Variants in FAM81A observed in about 807,000 individuals in gnomAD.
FAM81A encodes the protein family with sequence similarity 81 member A, also known as protein FAM81A.
FAM81A carries 19 observed loss-of-function variants against 46.7 expected under a neutral mutation model. The ratio of observed to expected loss-of-function variants is 0.41; its 90% CI spans 0.28 to 0.60. The LOEUF is 0.60. Ranked by LOEUF, FAM81A falls within the 20% of genes least tolerant of loss-of-function variation. The pLI is 0.34. For synonymous variants in FAM81A, 183 were observed against 152.9 expected (o/e 1.20, Z -1.45); for missense variants, 377 against 453.5 (o/e 0.83, Z 1.53).
intron 2 of FAM81A, among the ~76,000 whole-genome samples, chr15:59,431,802 T>G (rs1306240869): frequency 1.3e-5 from 2 of 152,126 alleles, no homozygotes; most frequent in African/African-American, 2.4e-5. Context: ...ATTTTATTAT[T>G]TATGTTTCCC....
At chr15:59,506,885 T>TA (rs1253837207) in intron 4 of FAM81A, among the ~76,000 whole-genome samples, 2 of 152,226 alleles carry the variant, frequency 1.3e-5, no homozygotes, top group Non-Finnish European at 2.9e-5. Flanking sequence ...GCAGGGGTGG[T>TA]ACTGAAGAGT....
At chr15:59,472,121 G>A (rs1567058571) in intron 3 of FAM81A, among the ~76,000 whole-genome samples, 1 of 152,074 alleles carries the variant, frequency 6.6e-6, no homozygotes, top group Non-Finnish European at 1.5e-5. Flanking sequence ...TTAGCTAAAG[G>A]GGGTTGGGGC....
chr15:59,406,339 C>A (rs1403619674), intron 2 of FAM81A, among the ~76,000 whole-genome samples: 1 of 152,224 alleles, frequency 6.6e-6, no homozygotes, highest in Non-Finnish European at 1.5e-5. Flanking sequence ...CACCCACTTA[C>A]AGATGAGGAG....
At chr15:59,479,519 G>GAAAAAAAA (rs57107735) in intron 3 of FAM81A, among the ~76,000 whole-genome samples, 35 of 72,656 alleles carry the variant, frequency 4.8e-4, no homozygotes, top group Non-Finnish European at 5.9e-4. Flanking sequence ...TCAAAAATAA[G>GAAAAAAAA]AAAAAAAAAA....
intron 4 of FAM81A, among the ~76,000 whole-genome samples, chr15:59,496,065 G>T (rs1175344751): frequency 6.6e-6 from 1 of 152,056 alleles, no homozygotes; most frequent in East Asian, 1.9e-4. Context: ...AGTGTTTGGG[G>T]TGTCATATTT....
chr15:59,494,551 A>G (rs1471464956), intron 4 of FAM81A, among the ~76,000 whole-genome samples: 1 of 128,848 alleles, frequency 7.8e-6, no homozygotes, highest in Non-Finnish European at 1.7e-5. Context: ...TCTCTACTCA[A>G]CTTGTTGCTT....
At position 59,442,384 on chromosome 15, in the gene FAM81A, G is replaced by A. The variant is rs563308586; in HGVS notation, c.-78+4102G>A. On this transcript the variant is annotated intron_variant, in intron 1 of 8. Transcript: ENST00000288228. ...TCCCAGCACTTTGGGAGGCCAAGGC[G>A]GGTGTATCACCTGAGGTCAGGAGTT... Among the ~76,000 whole-genome samples, 4 of 152,128 alleles carry A rather than the reference G, an allele frequency of 2.6e-5. No homozygotes were observed. The East Asian group carries it at 5.8e-4, about 22-fold the overall frequency.
intron 3 of FAM81A, among the ~76,000 whole-genome samples, chr15:59,486,225 G>C (rs187797541): frequency 7.6e-4 from 116 of 152,126 alleles, no homozygotes; most frequent in Middle Eastern, 3.4e-3. Context: ...AAAAGAAGCA[G>C]AAATTCTGGA....
At chr15:59,479,048 A>G (rs2081811060) in intron 3 of FAM81A, among the ~76,000 whole-genome samples, 1 of 152,218 alleles carries the variant, frequency 6.6e-6, no homozygotes, top group South Asian at 2.1e-4. Flanking sequence ...GCATTGTTAG[A>G]GGCACTGGAG....
intron 1 of FAM81A, chr15:59,446,511 G>A (rs2081355828): frequency 6.6e-6 from 1 of 152,194 alleles, no homozygotes; most frequent in Non-Finnish European, 1.5e-5. Context: ...GCATTCTAAA[G>A]TTCACCTTTG....
chr15:59,458,543 TC>T lies in FAM81A; in HGVS notation c.-77-6del, dbSNP rs2141637287. On this transcript the variant is annotated splice_polypyrimidine_tract_variant and splice_region_variant and intron_variant, in intron 1 of 8. Coordinates refer to ENST00000288228, the MANE Select transcript of FAM81A (RefSeq NM_152450.3). ...GTTAAATAATTTAGTGCTTATTTTT[TC>T]AACAGATGTGAATTATTAAAAAGAA... 6.2e-7 allele frequency: 1 copy of T among 1,603,104 alleles called. No individual in the cohort carries two copies. The highest frequency in any genetic ancestry group is 2.2e-5 in the East Asian group (1 of 44,806).
At position 59,449,642 on chromosome 15, in the gene FAM81A, C is replaced by T. The variant is rs566308349; in HGVS notation, c.-77-8908C>T. ...TAAAAAACACAAAAAATTAGCCGGG[C>T]GTGGTGGCGGGCGCCTGTAGTCCCA... On this transcript the variant is annotated intron_variant, in intron 1 of 8. Coordinates refer to ENST00000288228, the MANE Select transcript of FAM81A (RefSeq NM_152450.3). Among the ~76,000 whole-genome samples the T allele has an allele frequency of 6.5e-3, 984 of 151,956 alleles. 6 individuals carry two copies. Among genetic ancestry groups the T allele is most frequent in the Non-Finnish European group, 9.2e-3 (628 of 67,944 alleles).
At chr15:59,443,672 C>T (rs1484650654) in intron 1 of FAM81A, among the ~76,000 whole-genome samples, 1 of 152,134 alleles carries the variant, frequency 6.6e-6, no homozygotes, top group Non-Finnish European at 1.5e-5. Flanking sequence ...GCTTGAACAC[C>T]TGGGGTTATT....
At chr15:59,453,375 G>C (rs2081442366) in intron 1 of FAM81A, among the ~76,000 whole-genome samples, 1 of 152,190 alleles carries the variant, frequency 6.6e-6, no homozygotes, top group South Asian at 2.1e-4. Flanking sequence ...ATGATTGTGA[G>C]GATGAATTAA....
At chr15:59,512,601 C>T (rs80194268) in intron 6 of FAM81A, among the ~76,000 whole-genome samples, 4,140 of 151,378 alleles carry the variant, frequency 0.027, 87 homozygotes, top group Non-Finnish European at 0.041. Context: ...GTGGGGTGAT[C>T]GCAAAGTACA....
In FAM81A at chr15:59,516,700, A is replaced by C; in HGVS notation, c.842A>C (p.Asp281Ala). ...KKLSQMSARL[D>A]KIEEGQKKTF... ...CTCAGCCAGATGTCAGCCAGGCTTG[A>C]CAAAATAGAAGAGGGTCAAAAGAAG... The change falls in exon 8 of 9, where the codon GAC (aspartate) becomes GCC (alanine). Residue 281 changes from aspartate (D) to alanine (A), a missense_variant. Physicochemically the swap from Asp to Ala is moderately radical, Grantham distance 126 (BLOSUM62 -2). Coordinates refer to ENST00000288228, the MANE Select transcript of FAM81A (RefSeq NM_152450.3). The C allele has an allele frequency of 6.2e-7, 1 of 1,613,762 alleles. No individual in the cohort carries two copies. Among genetic ancestry groups the C allele is most frequent in the Non-Finnish European group, 8.5e-7 (1 of 1,179,790 alleles).
intron 2 of FAM81A, 117 bp downstream of exon 2, chr15:59,458,763 A>T: frequency 1.1e-6 from 1 of 913,788 alleles, no homozygotes; most frequent in Admixed American, 1.9e-5. Context: ...CAAGAGAAAC[A>T]CTATTGTGTC....
upstream of FAM81A, among the ~76,000 whole-genome samples, chr15:59,437,678 A>C (rs62013066): frequency 0.18 from 27,403 of 152,010 alleles, 2,910 homozygotes; most frequent in South Asian, 0.27. Flanking sequence ...TGGCCTAATC[A>C]AATAACTTCT....
chr15:59,398,759 GAAAAAAAAAAAAA>G (rs71119468), intron 1 of FAM81A, among the ~76,000 whole-genome samples: 494 of 41,436 alleles, frequency 0.012, 5 homozygotes, highest in African/African-American at 0.05. Flanking sequence ...CTCTGTCTCA[GAAAAAAAAAAAAA>G]AAAAAAAAAA....
Sources: allele counts gnomAD v4.1 joint callset (sites outside exome capture counted in the v4.1 genomes callset), GRCh38; gene constraint gnomAD v4.1.1; transcripts MANE v1.5; gene names NCBI Gene and HGNC (gene_info 2026-07-23, HGNC 2026-07-21).